Variants in MADD observed in about 807,000 individuals in gnomAD.
The protein encoded by MADD is MAP kinase activating death domain.
MADD carries 109 observed loss-of-function variants against 176.7 expected under a neutral mutation model. The ratio of observed to expected loss-of-function variants is 0.62; its 90% CI spans 0.53 to 0.72. MADD has a LOEUF of 0.72. Ranked by LOEUF, MADD falls within the 30% of genes least tolerant of loss-of-function variation. The pLI, the probability that MADD is intolerant of heterozygous loss-of-function variation, is 0.00. For synonymous variants in MADD, 771 were observed against 771.3 expected (o/e 1.00, Z 0.01); for missense variants, 1,914 against 2,045.5 (o/e 0.94, Z 1.24).
chr11:47,315,288 T>C, exon 27 of MADD: 2 of 1,613,862 alleles, frequency 1.2e-6, no homozygotes, highest in Non-Finnish European at 1.7e-6. Flanking sequence ...TTGTGGTACA[T>C]GCAGGGACAG....
At chr11:47,317,774 CTT>C (rs11305920) in intron 27 of MADD, among the ~76,000 whole-genome samples, 25 of 145,792 alleles carry the variant, frequency 1.7e-4, no homozygotes, top group East Asian at 4.0e-4. Context: ...TTGTATATAA[CTT>C]TTTTTTTTTT....
chr11:47,278,024 C>G, intron 5 of MADD, 141 bp from the exon 6 acceptor site: 1 of 647,110 alleles, frequency 1.5e-6, no homozygotes, highest in Non-Finnish European at 2.8e-6. Flanking sequence ...CTGAAAAATT[C>G]TGAATTTTCA....
chr11:47,281,510 G>T, intron 7 of MADD, 65 bp from the exon 8 acceptor site: 1 of 1,352,224 alleles, frequency 7.4e-7, no homozygotes, highest in Non-Finnish European at 1.0e-6. Flanking sequence ...CTTTTCCTTG[G>T]AGTTAAGATT....
At chr11:47,326,133 AAAATG>A (rs2095432919) in intron 30 of MADD, among the ~76,000 whole-genome samples, 1 of 134,976 alleles carries the variant, frequency 7.4e-6, no homozygotes, top group African/African-American at 3.2e-5. Context: ...CCTCATGTAG[AAAATG>A]GGGGTAATAC....
chr11:47,291,272 C>G (rs921123482), intron 19 of MADD, among the ~76,000 whole-genome samples: 6 of 152,200 alleles, frequency 3.9e-5, no homozygotes, highest in African/African-American at 1.4e-4. Context: ...TGGGGCATGC[C>G]TGGCAACCCC....
At chr11:47,326,784 G>C in exon 31 of MADD, 1 of 1,614,118 alleles carries the variant, frequency 6.2e-7, no homozygotes. Context: ...ACAGTTCGAG[G>C]CGTCTTTGTC....
intron 1 of MADD, chr11:47,271,042 C>T (rs1431855031): frequency 6.6e-6 from 1 of 152,226 alleles, no homozygotes; most frequent in Non-Finnish European, 1.5e-5. Context: ...GCTGAAAAGG[C>T]ATAGATAACT....
chr11:47,301,932 G>A (rs1247980583), intron 22 of MADD, among the ~76,000 whole-genome samples: 1 of 152,176 alleles, frequency 6.6e-6, no homozygotes, highest in Non-Finnish European at 1.5e-5. Context: ...TGGATGGAAT[G>A]TTCTGTAAAT....
chr11:47,307,852 T>G (rs1594342150), intron 22 of MADD, among the ~76,000 whole-genome samples: 1 of 152,156 alleles, frequency 6.6e-6, no homozygotes, highest in Non-Finnish European at 1.5e-5. Context: ...GTATTTTTAA[T>G]AGAGACAGGG....
chr11:47,273,218 T>A (rs2046412237), intron 1 of MADD, among the ~76,000 whole-genome samples: 1 of 152,254 alleles, frequency 6.6e-6, no homozygotes, highest in Non-Finnish European at 1.5e-5. Flanking sequence ...CTTCAATTTT[T>A]GTTACAATGA....
At chr11:47,319,851 C>A (rs1043650217) in intron 27 of MADD, among the ~76,000 whole-genome samples, 1 of 151,722 alleles carries the variant, frequency 6.6e-6, no homozygotes, top group African/African-American at 2.4e-5. Flanking sequence ...ATTAGCCGGG[C>A]GTGTTGGGCA....
exon 5 of MADD, chr11:47,276,778 T>C (rs1270177219): frequency 6.2e-7 from 1 of 1,614,206 alleles, no homozygotes; most frequent in Admixed American, 1.7e-5. Flanking sequence ...ATGTCTGTGA[T>C]GGCATTCGTG....
intron 25 of MADD, among the ~76,000 whole-genome samples, chr11:47,311,499 C>T (rs769543665): frequency 1.2e-4 from 18 of 152,120 alleles, no homozygotes; most frequent in Non-Finnish European, 2.2e-4. Flanking sequence ...GGAACCAGAA[C>T]CGCTCTAAGA....
chr11:47,309,287 A>G (rs1229051629), exon 24 of MADD: 2 of 1,614,026 alleles, frequency 1.2e-6, no homozygotes, highest in Non-Finnish European at 1.7e-6. Context: ...GCAGGCAAAG[A>G]GCGTTCTACT....
Position 47,326,539 on chromosome 11 carries a change from G to T in MADD, c.4543-199G>T. ...TTTCTCTCCCATGCTTTCTCCTCCG[G>T]CCAGGAGCGGAAGGTACATGCCCTT... On this transcript the variant is annotated intron_variant, in intron 30 of 32. Transcript: ENST00000402192. 7.3e-7 allele frequency: 1 copy of T among 1,374,028 alleles called. No individual in the cohort carries two copies. The highest frequency in any genetic ancestry group is 9.4e-7 in the Non-Finnish European group (1 of 1,064,630). 85.1% of individuals were successfully genotyped at this position (1,374,028 alleles called of 1,614,324 possible). A position where few individuals can be genotyped will look rare whatever the true frequency, so the allele number is the denominator to read the frequency against.
intron 20 of MADD, among the ~76,000 whole-genome samples, chr11:47,295,291 C>T (rs555952748): frequency 2.6e-4 from 40 of 152,224 alleles, no homozygotes; most frequent in Admixed American, 1.9e-3. Context: ...GGACTACAGG[C>T]GTGAGCCACT....
At position 47,329,239 on chromosome 11, in the gene MADD, G is replaced by T. The variant is rs568481927; in HGVS notation, c.*89G>T. On this transcript the variant is annotated 3_prime_UTR_variant, in exon 33 of 33. Coordinates refer to ENST00000402192, the Ensembl canonical transcript of MADD. Reference sequence around the variant, plus strand: ...TGCACGATGCTGCTGTGACTGAGGAGTGGATGATGCTCGTGTGTCCTCTGC... The same window carrying T: ...TGCACGATGCTGCTGTGACTGAGGATTGGATGATGCTCGTGTGTCCTCTGC... 18 of 991,234 alleles carry T rather than the reference G, an allele frequency of 1.8e-5. No homozygotes were observed. The African/African-American group carries it at 2.2e-4, about 12-fold the overall frequency. 61.4% of individuals were successfully genotyped at this position (991,234 alleles called of 1,614,324 possible).
intron 22 of MADD, among the ~76,000 whole-genome samples, chr11:47,302,320 TCTC>T (rs2078449690): frequency 6.6e-6 from 1 of 152,144 alleles, no homozygotes; most frequent in Non-Finnish European, 1.5e-5. Context: ...TTCAAGCGAT[TCTC>T]CTGCCTCAGC....
intron 31 of MADD, chr11:47,328,060 C>A: frequency 1.0e-6 from 1 of 993,798 alleles, no homozygotes; most frequent in African/African-American, 1.7e-5. Context: ...AGACGCTCTC[C>A]CTCACACAGG....
Sources: gnomAD v4.1 joint callset for allele counts (sites outside exome capture counted in the v4.1 genomes callset) on GRCh38, gnomAD v4.1.1 for gene constraint, MANE v1.5 for transcripts, NCBI Gene and HGNC (gene_info 2026-07-23, HGNC 2026-07-21) for gene names.